The following DOK6 variants were observed in gnomAD, a reference collection of about 807,000 sequenced individuals.
DOK6 encodes the protein downstream of tyrosine kinase 6.
A neutral mutation model predicts 44.0 loss-of-function variants in DOK6; 22 were observed. That is an observed-to-expected ratio of 0.50 (90% CI 0.36 to 0.71). The LOEUF (loss-of-function observed/expected upper bound fraction) is 0.71. Among genes scored for constraint, DOK6 ranks in the 30% least tolerant of loss-of-function variants. DOK6 has a pLI of 0.00. For missense variants in DOK6, 340 were observed against 416.4 expected, an observed-to-expected ratio of 0.82 and a Z score of 1.60; for synonymous variants, 166 against 145.5, an observed-to-expected ratio of 1.14 and a Z score of -1.01.
intron 7 of DOK6, among the ~76,000 whole-genome samples, chr18:69,793,811 A>G (rs938128872): frequency 2.0e-5 from 3 of 152,138 alleles, no homozygotes; most frequent in Admixed American, 1.3e-4. Flanking sequence ...GCACTATGGG[A>G]AAAACAAATG....
chr18:69,522,014 A>G (rs1981701094), intron 1 of DOK6, among the ~76,000 whole-genome samples: 1 of 152,090 alleles, frequency 6.6e-6, no homozygotes, highest in African/African-American at 2.4e-5. Context: ...ACCTTCAGCA[A>G]AATAGTGAAA....
intron 5 of DOK6, among the ~76,000 whole-genome samples, chr18:69,707,342 G>A (rs186607186): frequency 2.0e-5 from 3 of 152,308 alleles, no homozygotes; most frequent in Admixed American, 1.3e-4. Context: ...CTACTTTAAA[G>A]TTCTTATAGA....
intron 1 of DOK6, among the ~76,000 whole-genome samples, chr18:69,445,945 T>C (rs904202298): frequency 6.6e-6 from 1 of 152,224 alleles, no homozygotes. Context: ...TCTGTAGTAA[T>C]GCCTCTACTT....
At chr18:69,816,608 T>C (rs145119765) in intron 7 of DOK6, among the ~76,000 whole-genome samples, 1 of 152,220 alleles carries the variant, frequency 6.6e-6, no homozygotes, top group Non-Finnish European at 1.5e-5. Flanking sequence ...ACTTTTTACT[T>C]AGCCTAAGCC....
intron 4 of DOK6, 93 bp from the exon 5 acceptor site, chr18:69,698,311 C>T: frequency 8.6e-7 from 1 of 1,160,118 alleles, no homozygotes. Context: ...GTCATGTTTC[C>T]TGCAGTCTGT....
At chr18:69,434,318 A>C (rs1235286303) in intron 1 of DOK6, among the ~76,000 whole-genome samples, 1 of 152,200 alleles carries the variant, frequency 6.6e-6, no homozygotes, top group Admixed American at 6.5e-5. Context: ...TTAATTAAAC[A>C]CTTTGCACTT....
chr18:69,496,394 G>A (rs1428562650), intron 1 of DOK6, among the ~76,000 whole-genome samples: 2 of 152,254 alleles, frequency 1.3e-5, no homozygotes, highest in African/African-American at 4.8e-5. Context: ...CTACCACCAG[G>A]TCTATGGAGG....
At chr18:69,760,424 G>A (rs1979509646) in intron 7 of DOK6, among the ~76,000 whole-genome samples, 2 of 152,002 alleles carry the variant, frequency 1.3e-5, no homozygotes, top group African/African-American at 4.8e-5. Context: ...GAGCAGAAGC[G>A]AGAGTTTATT....
At chr18:69,521,277 T>C (rs1380546037) in intron 1 of DOK6, among the ~76,000 whole-genome samples, 1 of 151,908 alleles carries the variant, frequency 6.6e-6, no homozygotes, top group Non-Finnish European at 1.5e-5. Flanking sequence ...TCATAGTATG[T>C]TAAACAGTTA....
At chr18:69,736,892 G>T (rs12458044) in intron 5 of DOK6, among the ~76,000 whole-genome samples, 79,012 of 152,096 alleles carry the variant, frequency 0.52, 23,692 homozygotes, top group East Asian at 0.69. Flanking sequence ...TAATGTGCAT[G>T]TGAGTCACCT....
At chr18:69,439,844 G>C (rs549011782) in intron 1 of DOK6, among the ~76,000 whole-genome samples, 2 of 152,286 alleles carry the variant, frequency 1.3e-5, no homozygotes, top group East Asian at 3.9e-4. Flanking sequence ...GTTCACTGTA[G>C]TAGCACTTTT....
chr18:69,597,741 G>A (rs534294876), intron 2 of DOK6, among the ~76,000 whole-genome samples: 1 of 142,062 alleles, frequency 7.0e-6, no homozygotes, highest in South Asian at 2.3e-4. Context: ...CACATCTGGA[G>A]ACTCAAACGC....
intron 6 of DOK6, among the ~76,000 whole-genome samples, chr18:69,744,137 C>T (rs2038425098): frequency 6.6e-6 from 1 of 151,926 alleles, no homozygotes; most frequent in Admixed American, 6.5e-5. Context: ...ATGGTTAAAC[C>T]CCGTCTCTAC....
At chr18:69,634,556 A>C (rs781181882) in intron 3 of DOK6, among the ~76,000 whole-genome samples, 1 of 152,186 alleles carries the variant, frequency 6.6e-6, no homozygotes, top group Non-Finnish European at 1.5e-5. Context: ...CTTTTCTGTG[A>C]ATTGAATACT....
intron 3 of DOK6, among the ~76,000 whole-genome samples, chr18:69,664,770 A>G (rs1176436292): frequency 6.6e-6 from 1 of 152,230 alleles, no homozygotes; most frequent in Admixed American, 6.5e-5. Flanking sequence ...AAAGAGGAGA[A>G]AATGCCATCT....
chr18:69,524,337 T>C (rs907687920), intron 1 of DOK6, among the ~76,000 whole-genome samples: 6 of 152,004 alleles, frequency 3.9e-5, no homozygotes, highest in African/African-American at 1.4e-4. Context: ...TATAGTGTAG[T>C]TAAAGTGTGT....
chr18:69,796,202 C>G (rs1980740685), intron 7 of DOK6, among the ~76,000 whole-genome samples: 1 of 152,108 alleles, frequency 6.6e-6, no homozygotes, highest in Non-Finnish European at 1.5e-5. Context: ...AAAGAAGGGT[C>G]CTGGAAACTC....
intron 2 of DOK6, among the ~76,000 whole-genome samples, chr18:69,584,029 A>AC (rs373190533): frequency 0.08 from 11,758 of 147,742 alleles, 528 homozygotes; most frequent in Middle Eastern, 0.19. Context: ...AATGGCGTGA[A>AC]CCCGGGAGGC....
Position 69,741,892 on chromosome 18 carries a change from C to T in DOK6, c.738+2789C>T, listed in dbSNP as rs1184303980. ...ACTATTTAAAATAACAAAATTGTAA[C>T]TTGAAAGTTGGATAAAAAAACTCAA... On this transcript the variant is annotated intron_variant, in intron 6 of 7. Transcript: ENST00000382713. Among the ~76,000 whole-genome samples the T allele has an allele frequency of 3.3e-5, 5 of 152,118 alleles. No individual in the cohort carries two copies. In the South Asian group the frequency reaches 1.0e-3, roughly 32 times the overall value.
Sources: gnomAD v4.1 joint callset for allele counts (sites outside exome capture counted in the v4.1 genomes callset) on GRCh38, gnomAD v4.1.1 for gene constraint, MANE v1.5 for transcripts, NCBI Gene and HGNC (gene_info 2026-07-23, HGNC 2026-07-21) for gene names.